The following GALNT18 variants were observed in gnomAD, a reference collection of about 807,000 sequenced individuals.
GALNT18 encodes GalNAc-transferase 18.
GALNT18 carries 44 observed loss-of-function variants against 69.5 expected under a neutral mutation model. The ratio of observed to expected loss-of-function variants is 0.63; its 90% CI spans 0.50 to 0.81. GALNT18 has a LOEUF of 0.81. GALNT18 is among the 40% of genes least tolerant of loss of function. The pLI is 0.00. For missense variants in GALNT18, 715 were observed against 810.0 expected (o/e 0.88, Z 1.42); for synonymous variants, 364 against 318.2 (o/e 1.14, Z -1.53).
At chr11:11,558,847 G>A (rs11021930) in intron 1 of GALNT18, among the ~76,000 whole-genome samples, 53,847 of 152,094 alleles carry the variant, frequency 0.35, 10,795 homozygotes, top group African/African-American at 0.52. Context: ...TCCAGGAGGA[G>A]TGGTTACTGG....
intron 9 of GALNT18, among the ~76,000 whole-genome samples, chr11:11,303,137 C>T (rs1353698990): frequency 6.6e-6 from 1 of 152,182 alleles, no homozygotes; most frequent in Non-Finnish European, 1.5e-5. Context: ...CCCCTGCTGC[C>T]CTCTGCCTGG....
At chr11:11,520,565 T>C (rs916454005) in intron 1 of GALNT18, among the ~76,000 whole-genome samples, 1 of 152,144 alleles carries the variant, frequency 6.6e-6, no homozygotes, top group Non-Finnish European at 1.5e-5. Context: ...GGGGATGTTG[T>C]GGGCTGGCTT....
chr11:11,596,495 CATGAG>C lies in GALNT18; in HGVS notation c.235+24859_235+24863del, dbSNP rs1466513614. The stretch of plus-strand genomic sequence containing the variant: ...AATATTAAGTCTTGCAGTCCATGAA[CATGAG>C]ATGTCTTCCCATTTATTTAGGTCTT... On this transcript the variant is annotated intron_variant, in intron 1 of 10. Transcript: ENST00000227756. This position sits in a 1 kb window ranked among gnomAD's most constrained non-coding sequence, Gnocchi z 4.2. Among the ~76,000 whole-genome samples, 9 of 152,160 alleles carry C rather than the reference CATGAG, an allele frequency of 5.9e-5. No individual in the cohort carries two copies. The highest frequency in any genetic ancestry group is 5.9e-4 in the Admixed American group (9 of 15,268).
rs539609384 is a variant in GALNT18 at position 11,601,003 on chromosome 11, T to A, written c.235+20356A>T. Among the ~76,000 whole-genome samples the A allele has an allele frequency of 7.9e-4, 121 of 152,302 alleles. No homozygotes were observed. Among genetic ancestry groups the A allele is most frequent in the Middle Eastern group, 3.4e-3 (1 of 294 alleles). On this transcript the variant is annotated intron_variant, in intron 1 of 10. Coordinates refer to ENST00000227756, the MANE Select transcript of GALNT18 (RefSeq NM_198516.3). This position sits in a 1 kb window ranked among gnomAD's most constrained non-coding sequence, Gnocchi z 4.0. Reference sequence around the variant, plus strand: ...CACTTAACTATTTTCATAACTTATATCTTTTTATTGGTATTACCTATTGGT... The same window carrying A: ...CACTTAACTATTTTCATAACTTATAACTTTTTATTGGTATTACCTATTGGT...
At chr11:11,276,598 C>A (rs1403204757) in intron 10 of GALNT18, among the ~76,000 whole-genome samples, 1 of 151,992 alleles carries the variant, frequency 6.6e-6, no homozygotes, top group Non-Finnish European at 1.5e-5. Context: ...AGAGGGCATC[C>A]CTGTCTTGTG....
intron 4 of GALNT18, among the ~76,000 whole-genome samples, 191 bp downstream of exon 4, chr11:11,378,890 C>T (rs1013044400): frequency 6.6e-6 from 1 of 152,194 alleles, no homozygotes; most frequent in Non-Finnish European, 1.5e-5. Context: ...TACCCCCTCC[C>T]CTCTACCACA....
chr11:11,341,143 GTAGGCC>G lies in GALNT18; in HGVS notation c.1093-145_1093-140del. ...TCCCCAGATCACTCTCTGTGAAGGAGTAGGCCATACCTGATTTCTGCTCCTATAGCA... is the reference window on the plus strand; with the variant it reads ...TCCCCAGATCACTCTCTGTGAAGGAGATACCTGATTTCTGCTCCTATAGCA... On this transcript the variant is annotated intron_variant, in intron 6 of 10. Coordinates refer to ENST00000227756, the MANE Select transcript of GALNT18 (RefSeq NM_198516.3). The surrounding 1 kb of genome is among the most constrained non-coding windows in gnomAD (Gnocchi z 6.3). The G allele has an allele frequency of 1.4e-6, 1 of 706,542 alleles. No homozygotes were observed. The highest frequency in any genetic ancestry group is 1.8e-5 in the African/African-American group (1 of 56,100). The allele number at this position is 706,542 out of a possible 1,614,324, so 43.8% of individuals were successfully genotyped here. A position where few individuals can be genotyped will look rare whatever the true frequency, so the allele number is the denominator to read the frequency against.
intron 3 of GALNT18, among the ~76,000 whole-genome samples, chr11:11,403,334 A>G (rs1854508902): frequency 6.6e-6 from 1 of 152,172 alleles, no homozygotes; most frequent in Admixed American, 6.5e-5. Flanking sequence ...CTCCTGTTGA[A>G]TGGCTGTGGG....
rs182554571 is a variant in GALNT18 at position 11,584,070 on chromosome 11, T to C, written c.235+37289A>G. Among the ~76,000 whole-genome samples the C allele has an allele frequency of 1.3e-5, 2 of 151,978 alleles. No homozygotes were observed. Among genetic ancestry groups the C allele is most frequent in the East Asian group, 3.9e-4 (2 of 5,132 alleles). ...GGAGACAGATTTAAGCTTTGAAAACTGTGGTCAAGCAGAAAAGAGATAAGA... is the reference window on the plus strand; with the variant it reads ...GGAGACAGATTTAAGCTTTGAAAACCGTGGTCAAGCAGAAAAGAGATAAGA... On this transcript the variant is annotated intron_variant, in intron 1 of 10. Transcript: ENST00000227756. This position sits in a 1 kb window ranked among gnomAD's most constrained non-coding sequence, Gnocchi z 4.1.
At chr11:11,580,027 G>T (rs573990611) in intron 1 of GALNT18, among the ~76,000 whole-genome samples, 4 of 152,166 alleles carry the variant, frequency 2.6e-5, no homozygotes, top group African/African-American at 9.7e-5. Flanking sequence ...GAGTCTGGAC[G>T]GTGGAAAGTT....
In GALNT18 at chr11:11,387,917, G is replaced by A. The variant is rs1047234644; in HGVS notation, c.596-8653C>T. ...CACTCCAGACAAGCTTTCAAACCCT[G>A]GGCAGTTTACAAATGCCTTCCCCGA... On this transcript the variant is annotated intron_variant, in intron 3 of 10. Transcript: ENST00000227756. The surrounding 1 kb of genome is among the most constrained non-coding windows in gnomAD (Gnocchi z 4.6). Among the ~76,000 whole-genome samples, 2 of 152,148 alleles carry A rather than the reference G, an allele frequency of 1.3e-5. No homozygotes were observed. Among genetic ancestry groups the A allele is most frequent in the African/African-American group, 4.8e-5 (2 of 41,434 alleles).
chr11:11,481,374 A>T (rs1856526437), intron 1 of GALNT18, among the ~76,000 whole-genome samples: 1 of 152,132 alleles, frequency 6.6e-6, no homozygotes, highest in South Asian at 2.1e-4. Flanking sequence ...TGAGCTCAAG[A>T]AGGAGATGAA....
intron 6 of GALNT18, among the ~76,000 whole-genome samples, chr11:11,357,364 T>A (rs1850553178): frequency 6.6e-6 from 1 of 151,736 alleles, no homozygotes; most frequent in South Asian, 2.1e-4. Flanking sequence ...CTTCAAGGAG[T>A]CCCTCTGCCT....
At chr11:11,302,126 G>A (rs1181144439) in intron 9 of GALNT18, among the ~76,000 whole-genome samples, 1 of 152,180 alleles carries the variant, frequency 6.6e-6, no homozygotes, top group African/African-American at 2.4e-5. Context: ...ATGAGGTGGG[G>A]AGGAGACTGG....
rs1422279776 is a variant in GALNT18, at chr11:11,448,778, G to A, written c.394C>T (p.Leu132=). The change falls in exon 2 of 11, where the codon CTG becomes TTG. Residue 132 remains leucine (L), a synonymous_variant. Transcript: ENST00000227756. ...CTGAGGTCAGGCAGGGGCCGGTCCAGGGGCAGGCGGTCGCTGAGGTAGGCG... is the reference window on the plus strand; with the variant it reads ...CTGAGGTCAGGCAGGGGCCGGTCCAAGGGCAGGCGGTCGCTGAGGTAGGCG... ...YNAYLSDRLP[L]DRPLPDLRPS... 3.1e-6 allele frequency: 5 copies of A among 1,612,764 alleles called. No individual in the cohort carries two copies. The African/African-American group carries it at 5.3e-5, about 17-fold the overall frequency.
At chr11:11,458,765 C>T (rs1370627320) in intron 1 of GALNT18, among the ~76,000 whole-genome samples, 6 of 152,252 alleles carry the variant, frequency 3.9e-5, no homozygotes, top group African/African-American at 9.6e-5. Flanking sequence ...GCCTTCACGG[C>T]CTGTGGGCCT....
At chr11:11,491,981 A>G (rs1457013398) in intron 1 of GALNT18, among the ~76,000 whole-genome samples, 1 of 152,248 alleles carries the variant, frequency 6.6e-6, no homozygotes, top group Non-Finnish European at 1.5e-5. Flanking sequence ...AAGAGTACCT[A>G]TGATTCATTT....
chr11:11,302,384 C>A (rs1387137067), intron 9 of GALNT18, among the ~76,000 whole-genome samples: 3 of 152,140 alleles, frequency 2.0e-5, no homozygotes, highest in Non-Finnish European at 4.4e-5. Context: ...GGGACCAGGG[C>A]TTGCAAACTC....
Position 11,621,590 on chromosome 11 carries a change from C to T in GALNT18, c.4G>A (p.Val2Met). The T allele has an allele frequency of 6.3e-7, 1 of 1,588,546 alleles. No homozygotes were observed. Among genetic ancestry groups the T allele is most frequent in the Non-Finnish European group, 8.6e-7 (1 of 1,166,346 alleles). Residue 2 changes from valine (V) to methionine (M), a missense_variant, in exon 1 of 11, where the codon GTG (valine) becomes ATG (methionine). Physicochemically the swap from Val to Met is conservative, Grantham distance 21. Transcript: ENST00000227756. The surrounding 1 kb of genome is among the most constrained non-coding windows in gnomAD (Gnocchi z 9.3). The part of the protein sequence containing the change: M[V>M]CTRKTKTLVS... ...AAAGTTTTGGTCTTCCTGGTGCACA[C>T]CATTCTGGGCTCCTTCCTCCATATA...
Sources: allele counts gnomAD v4.1 joint callset (sites outside exome capture counted in the v4.1 genomes callset), GRCh38; gene constraint gnomAD v4.1.1; non-coding constraint Gnocchi (gnomAD v3.1); transcripts MANE v1.5; gene names NCBI Gene and HGNC (gene_info 2026-07-23, HGNC 2026-07-21).